TMEM87B: variants seen among roughly 807,000 people sequenced by gnomAD.
The protein encoded by TMEM87B is transmembrane protein 87B.
In TMEM87B, 83 loss-of-function variants were observed where a neutral mutation model predicts 80.3. The observed-to-expected ratio is 1.03, with a 90% CI of 0.87 to 1.24. The LOEUF is 1.24. TMEM87B is among the 50% of genes most tolerant of loss of function. The pLI, the probability that TMEM87B is intolerant of heterozygous loss-of-function variation, is 0.00. For missense variants in TMEM87B, 625 were observed against 674.4 expected (o/e 0.93, Z 0.81); for synonymous variants, 219 against 230.5 (o/e 0.95, Z 0.45).
chr2:112,089,594 TTCTTTC>T, intron 9 of TMEM87B, 25 bp from the exon 10 acceptor site: 1 of 1,609,260 alleles, frequency 6.2e-7, no homozygotes. Flanking sequence ...ATGCTTTTTC[TTCTTTC>T]TCTGTTTCCT....
intron 1 of TMEM87B, among the ~76,000 whole-genome samples, chr2:112,056,000 G>T (rs1304174168): frequency 6.6e-6 from 1 of 152,172 alleles, no homozygotes; most frequent in Non-Finnish European, 1.5e-5. Flanking sequence ...GGGTCCGAGC[G>T]CTCGGACTGT....
chr2:112,081,032 A>G, intron 6 of TMEM87B, 25 bp from the exon 7 acceptor site: 2 of 1,587,596 alleles, frequency 1.3e-6, no homozygotes, highest in East Asian at 2.2e-5. Context: ...ACTGTTAATT[A>G]ACTCTCTCTT....
intron 17 of TMEM87B, among the ~76,000 whole-genome samples, chr2:112,108,687 G>C (rs1165298393): frequency 6.6e-6 from 1 of 152,116 alleles, no homozygotes; most frequent in Admixed American, 6.5e-5. Context: ...GTTTGTGTGG[G>C]TTGAGGTTTT....
chr2:112,060,535 T>C (rs1371757671), intron 2 of TMEM87B, among the ~76,000 whole-genome samples: 1 of 151,866 alleles, frequency 6.6e-6, no homozygotes, highest in Non-Finnish European at 1.5e-5. Flanking sequence ...CAAGAATGGA[T>C]TTTTCTTTTT....
chr2:112,109,082 T>C (rs1240104152), intron 17 of TMEM87B, among the ~76,000 whole-genome samples: 1 of 152,230 alleles, frequency 6.6e-6, no homozygotes, highest in Non-Finnish European at 1.5e-5. Context: ...TAGTGTTAAA[T>C]ATATTTAACT....
intron 14 of TMEM87B, among the ~76,000 whole-genome samples, chr2:112,098,908 C>T (rs72942021): frequency 0.053 from 8,024 of 152,182 alleles, 373 homozygotes; most frequent in African/African-American, 0.13. Flanking sequence ...AGGAAGACTT[C>T]TTGAAGCGAC....
At chr2:112,111,476 T>C (rs1679914667) in intron 17 of TMEM87B, among the ~76,000 whole-genome samples, 1 of 152,226 alleles carries the variant, frequency 6.6e-6, no homozygotes, top group Non-Finnish European at 1.5e-5. Flanking sequence ...GAACTTCTTA[T>C]TTGATGTCTT....
At chr2:112,059,690 G>A (rs1237606894) in intron 1 of TMEM87B, among the ~76,000 whole-genome samples, 1 of 152,188 alleles carries the variant, frequency 6.6e-6, no homozygotes, top group Non-Finnish European at 1.5e-5. Flanking sequence ...TTCATGTCAC[G>A]TCTGAGCAGC....
At chr2:112,080,073 G>A (rs1678943922) in intron 6 of TMEM87B, among the ~76,000 whole-genome samples, 1 of 150,412 alleles carries the variant, frequency 6.6e-6, no homozygotes, top group Non-Finnish European at 1.5e-5. Flanking sequence ...GGGATTATAG[G>A]TGCACGCCAC....
chr2:112,068,628 C>A (rs534877149), intron 4 of TMEM87B, among the ~76,000 whole-genome samples: 1 of 151,668 alleles, frequency 6.6e-6, no homozygotes, highest in Non-Finnish European at 1.5e-5. Context: ...GGCGTGAACT[C>A]GGGAGGTGGA....
At position 112,067,969 on chromosome 2, in the gene TMEM87B, T is replaced by G. The variant is rs555088293; in HGVS notation, c.450+902T>G. Among the ~76,000 whole-genome samples the G allele has an allele frequency of 1.8e-3, 268 of 152,266 alleles. 8 individuals carry two copies. In the South Asian group the frequency reaches 0.055, roughly 31 times the overall value. On this transcript the variant is annotated intron_variant, in intron 4 of 18. Coordinates refer to ENST00000283206, the MANE Select transcript of TMEM87B (RefSeq NM_032824.3). ...TGGCTCAGCCTGTAATCCCAGCACT[T>G]TGGGAGGATGAGGCAGGTGGATCAC... is the stretch of plus-strand genomic sequence containing the variant.
At chr2:112,068,699 G>A (rs546265119) in intron 4 of TMEM87B, among the ~76,000 whole-genome samples, 18 of 152,088 alleles carry the variant, frequency 1.2e-4, no homozygotes, top group South Asian at 2.1e-4. Flanking sequence ...GTGAGACTCC[G>A]TCTCAAAAAA....
chr2:112,115,275 A>G (rs1328940719), intron 18 of TMEM87B, among the ~76,000 whole-genome samples: 1 of 135,842 alleles, frequency 7.4e-6, no homozygotes, highest in Non-Finnish European at 1.6e-5. Flanking sequence ...AAGATGTAGC[A>G]TTACAGAAAG....
Position 112,112,932 on chromosome 2 carries a change from A to G in TMEM87B, c.1608+3A>G, listed in dbSNP as rs1679958566. Reference sequence around the variant, plus strand: ...CAGTGTTAGTGGATTCAGATGAGGTAAAATATATTTTTGCATATTTCCTTG... The same window carrying G: ...CAGTGTTAGTGGATTCAGATGAGGTGAAATATATTTTTGCATATTTCCTTG... On this transcript the variant is annotated splice_donor_region_variant and intron_variant, in intron 18 of 18. Transcript: ENST00000283206. The G allele has an allele frequency of 1.2e-6, 2 of 1,612,000 alleles. No homozygotes were observed. The highest frequency in any genetic ancestry group is 1.7e-6 in the Non-Finnish European group (2 of 1,178,688).
At chr2:112,079,397 GCA>G (rs1209482350) in intron 6 of TMEM87B, among the ~76,000 whole-genome samples, 1 of 152,256 alleles carries the variant, frequency 6.6e-6, no homozygotes, top group East Asian at 1.9e-4. Context: ...ATTTCACTCA[GCA>G]CAGTGTTTTC....
At position 112,060,036 on chromosome 2, in the gene TMEM87B, T is replaced by A. The variant is rs755167802; in HGVS notation, c.225T>A (p.Ser75=). The A allele has an allele frequency of 1.1e-5, 18 of 1,580,334 alleles. No individual in the cohort carries two copies. Among genetic ancestry groups the A allele is most frequent in the African/African-American group, 2.7e-5 (2 of 74,138 alleles). Residue 75 remains serine, a splice_region_variant and synonymous_variant, in exon 2 of 19, where the codon TCT becomes TCA. Coordinates refer to ENST00000283206, the MANE Select transcript of TMEM87B (RefSeq NM_032824.3). ...TMFNSTDIKL[S]VKSFHCSGPV... is the part of the protein sequence containing the mutation. The stretch of plus-strand genomic sequence containing the variant: ...TTAACTCTACAGATATCAAGTTATC[T>A]GGTAAGTATAATAAAACAATAAAAT...
At chr2:112,070,302 T>G (rs1344627374) in intron 4 of TMEM87B, among the ~76,000 whole-genome samples, 1 of 152,216 alleles carries the variant, frequency 6.6e-6, no homozygotes, top group Non-Finnish European at 1.5e-5. Flanking sequence ...GTTTTCATAG[T>G]TTTAAGTTTT....
At chr2:112,108,976 T>C (rs1316190929) in intron 17 of TMEM87B, among the ~76,000 whole-genome samples, 1 of 152,226 alleles carries the variant, frequency 6.6e-6, no homozygotes, top group African/African-American at 2.4e-5. Context: ...TAACACTTAT[T>C]ATTGTCCACC....
intron 15 of TMEM87B, among the ~76,000 whole-genome samples, chr2:112,101,345 T>C (rs1158885615): frequency 6.6e-6 from 1 of 152,120 alleles, no homozygotes; most frequent in East Asian, 1.9e-4. Flanking sequence ...AAAAAAATCA[T>C]CAAATCTAAA....
Sources: allele counts gnomAD v4.1 joint callset (sites outside exome capture counted in the v4.1 genomes callset), GRCh38; gene constraint gnomAD v4.1.1; transcripts MANE v1.5; gene names NCBI Gene and HGNC (gene_info 2026-07-23, HGNC 2026-07-21).